The following ACTN1 variants were observed in gnomAD, a reference collection of about 807,000 sequenced individuals.
ACTN1 encodes alpha-actinin-1.
ACTN1 carries 30 observed loss-of-function variants against 119.6 expected under a neutral mutation model. The observed-to-expected ratio is 0.25, with a 90% CI of 0.19 to 0.34. ACTN1 has a LOEUF of 0.34. Among genes scored for constraint, ACTN1 ranks in the 10% least tolerant of loss-of-function variants. The pLI is 1.00. For missense variants in ACTN1, 764 were observed against 1,223.4 expected (o/e 0.62, Z 5.60); for synonymous variants, 429 against 472.6 (o/e 0.91, Z 1.20).
At chr14:68,902,793 G>A (rs926886513) in intron 7 of ACTN1, among the ~76,000 whole-genome samples, 1 of 152,172 alleles carries the variant, frequency 6.6e-6, no homozygotes, top group Non-Finnish European at 1.5e-5. Context: ...CTTGCTACAG[G>A]ACAGCGGCCC....
chr14:68,975,245 C>T (rs1244318471), intron 1 of ACTN1, among the ~76,000 whole-genome samples: 1 of 152,210 alleles, frequency 6.6e-6, no homozygotes, highest in Non-Finnish European at 1.5e-5. Flanking sequence ...CTCTCTGTTT[C>T]AACATCCATT....
Position 68,875,022 on chromosome 14 carries a change from G to A in ACTN1, c.2587-5C>T, listed in dbSNP as rs2030714899. The A allele has an allele frequency of 1.2e-6, 2 of 1,612,508 alleles. No homozygotes were observed. Among genetic ancestry groups the A allele is most frequent in the African/African-American group, 2.7e-5 (2 of 74,938 alleles). ...CTCGTCCATGGTAATGTAGTTCTGC[G>A]AGGAGAGAGTGGTCAGGAAGGCCGC... On this transcript the variant is annotated splice_polypyrimidine_tract_variant and splice_region_variant and intron_variant, in intron 21 of 21. Coordinates refer to ENST00000394419, the MANE Select transcript of ACTN1 (RefSeq NM_001130004.2).
intron 1 of ACTN1, among the ~76,000 whole-genome samples, chr14:68,950,479 A>ATATATATAT (rs1566667536): frequency 9.7e-5 from 9 of 92,650 alleles, no homozygotes; most frequent in African/African-American, 5.5e-4. Context: ...TATATATATA[A>ATATATATAT]ATCAAACATA....
chr14:68,910,549 CT>C (rs1566627832), intron 4 of ACTN1, among the ~76,000 whole-genome samples: 2 of 152,232 alleles, frequency 1.3e-5, no homozygotes, highest in Non-Finnish European at 2.9e-5. Context: ...CGGATCAATA[CT>C]GCTGCCCTCT....
chr14:68,876,365 C>T (rs375442523), intron 21 of ACTN1, among the ~76,000 whole-genome samples: 5 of 152,144 alleles, frequency 3.3e-5, no homozygotes, highest in African/African-American at 1.2e-4. Flanking sequence ...AACACAGACC[C>T]TAGGCCCCCA....
chr14:68,881,248 C>G (rs2031480978), intron 16 of ACTN1: 1 of 406,670 alleles, frequency 2.5e-6, no homozygotes, highest in Non-Finnish European at 4.4e-6. Flanking sequence ...TACCTGTCAG[C>G]CTCAGAAAGG....
At chr14:68,921,237 G>T in intron 2 of ACTN1, 112 bp from the exon 3 acceptor site, 1 of 1,394,056 alleles carries the variant, frequency 7.2e-7, no homozygotes, top group Non-Finnish European at 9.7e-7. Flanking sequence ...AGAAGCATGT[G>T]CATGTGTGCA....
At chr14:68,877,429 G>A in intron 20 of ACTN1, 189 bp from the exon 21 acceptor site, 1 of 603,530 alleles carries the variant, frequency 1.7e-6, no homozygotes, top group East Asian at 2.9e-5. Flanking sequence ...CCCAGCTCAG[G>A]GTTCCCCACA....
intron 1 of ACTN1, 97 bp downstream of exon 1, chr14:68,978,855 C>T (rs1034085396): frequency 1.2e-6 from 1 of 808,670 alleles, no homozygotes; most frequent in South Asian, 2.1e-5. Context: ...GCGCCCGGAA[C>T]CGGTTCAGAG....
chr14:68,903,448 A>T (rs1205076194), intron 7 of ACTN1, among the ~76,000 whole-genome samples: 2 of 151,694 alleles, frequency 1.3e-5, no homozygotes, highest in African/African-American at 2.4e-5. Flanking sequence ...GAGGCAAGAG[A>T]ATCGCTTGAA....
intron 11 of ACTN1, chr14:68,887,058 A>G (rs1223761443): frequency 1.8e-5 from 3 of 166,938 alleles, no homozygotes; most frequent in Non-Finnish European, 3.9e-5. Flanking sequence ...TAACATACGT[A>G]ATGAAATTCT....
At chr14:68,884,729 C>T (rs1443700920) in intron 13 of ACTN1, 46 bp downstream of exon 13, 2 of 1,514,150 alleles carry the variant, frequency 1.3e-6, no homozygotes, top group South Asian at 1.1e-5. Flanking sequence ...AGGGGCACCA[C>T]AGGGCTGCCG....
chr14:68,891,405 AT>A (rs1441525969), intron 10 of ACTN1, among the ~76,000 whole-genome samples: 3 of 152,256 alleles, frequency 2.0e-5, no homozygotes, highest in Non-Finnish European at 2.9e-5. Context: ...AAAGCAGCTT[AT>A]TATATAAAAC....
chr14:68,897,058 C>T (rs138564171), intron 8 of ACTN1, among the ~76,000 whole-genome samples: 75 of 152,350 alleles, frequency 4.9e-4, no homozygotes, highest in African/African-American at 1.7e-3. Flanking sequence ...TCTCGGCTCA[C>T]TGCAACCTCT....
chr14:68,912,116 C>T (rs372658828), intron 4 of ACTN1, 40 bp downstream of exon 4: 234 of 1,593,630 alleles, frequency 1.5e-4, no homozygotes, highest in Non-Finnish European at 1.9e-4. Flanking sequence ...GGGAGGGAGA[C>T]GAGATGGTGA....
At chr14:68,883,078 G>A (rs1234890137) in intron 14 of ACTN1, 23 bp from the exon 15 acceptor site, 2 of 1,610,554 alleles carry the variant, frequency 1.2e-6, no homozygotes, top group African/African-American at 1.3e-5. Flanking sequence ...GGGAATATGT[G>A]GGCAAGAGGA....
Position 68,878,386 on chromosome 14 carries a change from C to A in ACTN1, c.2427+72G>T. ...GCCTGAGGGCCTCCAGCCTGCCACT[C>A]CTGGGACTTGGCTGCTCCCGCCAGC... is the stretch of plus-strand genomic sequence containing the variant. On this transcript the variant is annotated intron_variant, in intron 20 of 21. Coordinates refer to ENST00000394419, the MANE Select transcript of ACTN1 (RefSeq NM_001130004.2). The surrounding 1 kb of genome is among the most constrained non-coding windows in gnomAD (Gnocchi z 4.4). The A allele has an allele frequency of 6.6e-7, 1 of 1,508,150 alleles. No individual in the cohort carries two copies. The highest frequency in any genetic ancestry group is 1.4e-5 in the South Asian group (1 of 73,808). The allele number at this position is 1,508,150 out of a possible 1,614,324, so 93.4% of individuals were successfully genotyped here. A position where few individuals can be genotyped will look rare whatever the true frequency, so the allele number is the denominator to read the frequency against.
chr14:68,910,627 C>A (rs2033949939), intron 4 of ACTN1, among the ~76,000 whole-genome samples: 1 of 152,018 alleles, frequency 6.6e-6, no homozygotes, highest in Non-Finnish European at 1.5e-5. Context: ...GAGCTCCCAG[C>A]ACAGAAGAAA....
At chr14:68,892,749 G>T (rs1231039767) in intron 9 of ACTN1, among the ~76,000 whole-genome samples, 3 of 152,130 alleles carry the variant, frequency 2.0e-5, no homozygotes, top group Non-Finnish European at 4.4e-5. Flanking sequence ...GGAAGAGGCT[G>T]GCTTCTGGGC....
Sources: gnomAD v4.1 joint callset for allele counts (sites outside exome capture counted in the v4.1 genomes callset) on GRCh38, gnomAD v4.1.1 for gene constraint, Gnocchi (gnomAD v3.1) non-coding constraint, MANE v1.5 for transcripts, NCBI Gene and HGNC (gene_info 2026-07-23, HGNC 2026-07-21) for gene names.